The following PCM1 variants were observed in gnomAD, a reference collection of about 807,000 sequenced individuals.
PCM1 encodes the protein pericentriolar material 1, also known as pericentriolar material 1 protein.
Under a neutral mutation model 241.9 loss-of-function variants are expected in PCM1, and 157 were observed. The ratio of observed to expected loss-of-function variants is 0.65; its 90% CI spans 0.57 to 0.74. PCM1 has a LOEUF of 0.74. Ranked by LOEUF, PCM1 falls within the 30% of genes least tolerant of loss-of-function variation. The pLI is 0.00. For synonymous variants in PCM1, 1,085 were observed against 784.9 expected, an observed-to-expected ratio of 1.38 and a Z score of -6.39; for missense variants, 3,478 against 2,360.1, an observed-to-expected ratio of 1.47 and a Z score of -9.81.
At chr8:17,978,503 A>C (rs928166719) in intron 23 of PCM1, among the ~76,000 whole-genome samples, 3 of 152,036 alleles carry the variant, frequency 2.0e-5, no homozygotes, top group African/African-American at 7.2e-5. Flanking sequence ...ACAAAGAAAA[A>C]GAACCAAACC....
intron 21 of PCM1, among the ~76,000 whole-genome samples, chr8:17,967,764 A>G (rs1339492934): frequency 6.6e-6 from 1 of 152,216 alleles, no homozygotes; most frequent in East Asian, 1.9e-4. Flanking sequence ...TGGGAGAGTA[A>G]AGATGAATAA....
chr8:17,924,227 C>G (rs2055927808), intron 1 of PCM1, among the ~76,000 whole-genome samples: 1 of 152,130 alleles, frequency 6.6e-6, no homozygotes, highest in Admixed American at 6.5e-5. Context: ...GGTGAGGACC[C>G]CTGAACACCA....
chr8:17,955,015 A>G (rs1187265147), intron 9 of PCM1, among the ~76,000 whole-genome samples: 9 of 152,110 alleles, frequency 5.9e-5, no homozygotes, highest in Non-Finnish European at 8.8e-5. Flanking sequence ...ATGAAGACCT[A>G]ATCAGCTACA....
chr8:17,934,691 C>A (rs1375726158), intron 2 of PCM1: 2 of 152,090 alleles, frequency 1.3e-5, no homozygotes, highest in African/African-American at 4.8e-5. Flanking sequence ...ATTATCTCAA[C>A]CTCTCCTCTT....
intron 9 of PCM1, 53 bp from the exon 10 acceptor site, chr8:17,955,417 G>T: frequency 7.6e-7 from 1 of 1,308,792 alleles, no homozygotes; most frequent in Non-Finnish European, 1.0e-6. Context: ...GTATGTGTTT[G>T]TTTATGGTAA....
intron 23 of PCM1, among the ~76,000 whole-genome samples, chr8:17,975,351 C>T (rs1393297589): frequency 3.9e-5 from 6 of 151,928 alleles, no homozygotes; most frequent in African/African-American, 7.3e-5. Flanking sequence ...TTAGTAGAGA[C>T]GGGGTTTCTC....
intron 35 of PCM1, 26 bp downstream of exon 35, chr8:18,014,062 T>G (rs773904484): frequency 1.5e-6 from 2 of 1,308,678 alleles, no homozygotes; most frequent in Non-Finnish European, 2.1e-6. Flanking sequence ...AAGTCTTTGA[T>G]TTTAAGATAA....
intron 36 of PCM1, among the ~76,000 whole-genome samples, chr8:18,024,248 C>A (rs1338990817): frequency 1.3e-5 from 2 of 152,120 alleles, no homozygotes; most frequent in African/African-American, 4.8e-5. Flanking sequence ...GGCCTGTGGT[C>A]CTAGCTACTC....
chr8:17,944,986 AT>A (rs1195996409), intron 6 of PCM1, among the ~76,000 whole-genome samples: 3 of 151,938 alleles, frequency 2.0e-5, no homozygotes, highest in Non-Finnish European at 2.9e-5. Context: ...TCATTTGCAT[AT>A]TTTTTTCTCC....
At chr8:17,936,273 A>C (rs1237899115) in intron 3 of PCM1, among the ~76,000 whole-genome samples, 3 of 152,182 alleles carry the variant, frequency 2.0e-5, no homozygotes, top group African/African-American at 7.2e-5. Flanking sequence ...AGGTGTAAGT[A>C]GTGTAACAGG....
At position 17,991,686 on chromosome 8, in the gene PCM1, TTAA is replaced by T. The variant is rs1462848489; in HGVS notation, c.4681_4683del (p.Asn1561del). ...GATGGTGCTGGTGCAGGTACTACAGTTAATAATTTAGAAGGTATATATTTTTGT... is the reference window on the plus strand; with the variant it reads ...GATGGTGCTGGTGCAGGTACTACAGTTAATTTAGAAGGTATATATTTTTGT... On this transcript the variant is annotated inframe_deletion, in exon 28 of 39. Coordinates refer to ENST00000325083, the MANE Select transcript of PCM1 (RefSeq NM_006197.4). 3 of 1,549,434 alleles carry T rather than the reference TTAA, an allele frequency of 1.9e-6. No individual in the cohort carries two copies. Among genetic ancestry groups the T allele is most frequent in the East Asian group, 4.9e-5 (2 of 41,056 alleles).
chr8:17,973,230 T>C (rs989454020), intron 23 of PCM1, among the ~76,000 whole-genome samples: 3 of 152,218 alleles, frequency 2.0e-5, no homozygotes, highest in African/African-American at 7.2e-5. Context: ...TAAAATTTTC[T>C]TTATGGTGTT....
intron 29 of PCM1, among the ~76,000 whole-genome samples, chr8:17,999,604 C>T (rs565071322): frequency 3.3e-5 from 5 of 152,214 alleles, no homozygotes; most frequent in South Asian, 2.1e-4. Context: ...TGCATTGCTG[C>T]AGTCAGTGCT....
At chr8:18,013,664 C>A (rs751507607) in intron 34 of PCM1, among the ~76,000 whole-genome samples, 2 of 152,182 alleles carry the variant, frequency 1.3e-5, no homozygotes, top group Non-Finnish European at 2.9e-5. Flanking sequence ...CTTCCTCCTT[C>A]ATTCCCTTCT....
chr8:17,966,921 G>A (rs2075096767), intron 20 of PCM1, 59 bp from the exon 21 acceptor site: 3 of 1,424,330 alleles, frequency 2.1e-6, no homozygotes, highest in South Asian at 1.3e-5. Flanking sequence ...CTTCCTGAAT[G>A]TACTTTATAT....
Position 18,009,647 on chromosome 8 carries a change from A to C in PCM1, c.5063A>C (p.Lys1688Thr). The change falls in exon 31 of 39, where the codon AAG becomes ACG. Residue 1688 changes from lysine to threonine, a missense_variant. By Grantham distance (78) the Lys-to-Thr change is moderately conservative. Transcript: ENST00000325083. Reference protein sequence around the residue: ...EVLFNELAFFKLMQDLDNNSI... With the variant: ...EVLFNELAFFTLMQDLDNNSI... ...TTGTTCAATGAATTGGCTTTCTTTA[A>C]GCTTATGCAAGATTTGGATAATAAT... 6.3e-7 allele frequency: 1 copy of C among 1,586,150 alleles called. No homozygotes were observed.
intron 26 of PCM1, among the ~76,000 whole-genome samples, chr8:17,987,118 T>A (rs2082863336): frequency 6.6e-6 from 1 of 151,888 alleles, no homozygotes; most frequent in Non-Finnish European, 1.5e-5. Context: ...CATAAACCTG[T>A]GTCTAAAAAC....
chr8:18,010,127 C>T (rs1183447784), intron 31 of PCM1, among the ~76,000 whole-genome samples: 1 of 152,206 alleles, frequency 6.6e-6, no homozygotes, highest in Non-Finnish European at 1.5e-5. Flanking sequence ...AGAGGTCACT[C>T]CCAGTCAACA....
At chr8:17,980,460 G>C in intron 23 of PCM1, 131 bp from the exon 24 acceptor site, 1 of 620,214 alleles carries the variant, frequency 1.6e-6, no homozygotes, top group South Asian at 2.8e-5. Flanking sequence ...TTACTGTTTT[G>C]TATTCTATTT....
Sources: gnomAD v4.1 joint callset for allele counts (sites outside exome capture counted in the v4.1 genomes callset) on GRCh38, gnomAD v4.1.1 for gene constraint, MANE v1.5 for transcripts, NCBI Gene and HGNC (gene_info 2026-07-23, HGNC 2026-07-21) for gene names.